Variants in EEF1AKMT1 observed in about 807,000 individuals in gnomAD.
EEF1AKMT1 encodes EEF1A lysine methyltransferase 1, also known as N-6 adenine-specific DNA methyltransferase 2 (putative).
In EEF1AKMT1, 18 loss-of-function variants were observed where a neutral mutation model predicts 21.0. That is an observed-to-expected ratio of 0.86 (90% CI 0.59 to 1.27). The LOEUF is 1.27. Among genes scored for constraint, EEF1AKMT1 ranks in the 50% most tolerant of loss-of-function variants. EEF1AKMT1 has a pLI of 0.00. For synonymous variants in EEF1AKMT1, 109 were observed against 94.8 expected (o/e 1.15, Z -0.87); for missense variants, 246 against 258.6 (o/e 0.95, Z 0.33).
At chr13:20,729,818 CT>C (rs1186462895) in intron 4 of EEF1AKMT1, among the ~76,000 whole-genome samples, 2 of 152,222 alleles carry the variant, frequency 1.3e-5, no homozygotes, top group Non-Finnish European at 2.9e-5. Flanking sequence ...TTTGACGCCC[CT>C]GCCCTGCCCT....
At chr13:20,770,836 C>A (rs918145781) in intron 1 of EEF1AKMT1, among the ~76,000 whole-genome samples, 20 of 151,538 alleles carry the variant, frequency 1.3e-4, no homozygotes, top group African/African-American at 4.8e-4. Flanking sequence ...CATATGCAGA[C>A]ACATACATAC....
intron 1 of EEF1AKMT1, among the ~76,000 whole-genome samples, chr13:20,766,025 C>T (rs749648195): frequency 1.3e-5 from 2 of 151,710 alleles, no homozygotes; most frequent in South Asian, 2.1e-4. Flanking sequence ...AGAGGCTGGG[C>T]GTGGTGGCTC....
At chr13:20,749,906 G>A (rs938503829) in intron 2 of EEF1AKMT1, among the ~76,000 whole-genome samples, 2 of 152,132 alleles carry the variant, frequency 1.3e-5, no homozygotes, top group Admixed American at 1.3e-4. Flanking sequence ...TCTGTATCCA[G>A]AATTTTCATA....
intron 1 of EEF1AKMT1, among the ~76,000 whole-genome samples, chr13:20,773,232 C>G (rs1224273212): frequency 1.3e-5 from 2 of 152,188 alleles, no homozygotes; most frequent in South Asian, 4.2e-4. Context: ...TGCAGTGCGA[C>G]GTTGTGATGT....
chr13:20,742,422 T>G (rs915505989), intron 2 of EEF1AKMT1, among the ~76,000 whole-genome samples: 1 of 152,186 alleles, frequency 6.6e-6, no homozygotes, highest in African/African-American at 2.4e-5. Flanking sequence ...AGATGTTCCC[T>G]ACTTAACAGA....
At chr13:20,737,272 G>A (rs979298345) in intron 3 of EEF1AKMT1, among the ~76,000 whole-genome samples, 3 of 152,104 alleles carry the variant, frequency 2.0e-5, no homozygotes, top group East Asian at 1.9e-4. Context: ...GCTGAGGCAA[G>A]AGAATTGCTT....
In EEF1AKMT1 at chr13:20,767,134, G is replaced by A. The variant is rs561555864; in HGVS notation, c.-20+6787C>T. Among the ~76,000 whole-genome samples, 218 of 151,482 alleles carry A rather than the reference G, an allele frequency of 1.4e-3. 2 individuals carry two copies. The highest frequency in any genetic ancestry group is 4.7e-4 in the Non-Finnish European group (32 of 67,836). On this transcript the variant is annotated intron_variant, in intron 1 of 4. Transcript: ENST00000382758. ...ATCCTGGCTAACACGGTGAAACCCC[G>A]TCTCCACTAAAAATACAAAAAATTA...
intron 3 of EEF1AKMT1, among the ~76,000 whole-genome samples, chr13:20,735,373 TG>T (rs1414352164): frequency 6.6e-6 from 1 of 151,962 alleles, no homozygotes; most frequent in Non-Finnish European, 1.5e-5. Context: ...GTTGTCTGGA[TG>T]GGGGGGATGC....
chr13:20,739,177 TG>T (rs34160154), intron 2 of EEF1AKMT1, among the ~76,000 whole-genome samples: 6,332 of 152,242 alleles, frequency 0.042, 309 homozygotes, highest in African/African-American at 0.11. Context: ...AGTTGTTCTT[TG>T]CTCCCAGTGG....
intron 2 of EEF1AKMT1, among the ~76,000 whole-genome samples, chr13:20,740,868 C>T (rs2058866578): frequency 6.6e-6 from 1 of 151,622 alleles, no homozygotes; most frequent in South Asian, 2.1e-4. Context: ...AATTATATCT[C>T]AACAAAACTG....
chr13:20,731,926 A>G lies in EEF1AKMT1; in HGVS notation c.423T>C (p.Asp141=), dbSNP rs765795109. The change falls in exon 4 of 5, where the codon GAT becomes GAC. Residue 141 remains aspartate, a synonymous_variant. Transcript: ENST00000382758. Reference sequence around the variant, plus strand: ...GACATTCCTCCGAAAGATAGGGAGGATCTGCTATTACGATGTCAAAACTAT... The same window carrying G: ...GACATTCCTCCGAAAGATAGGGAGGGTCTGCTATTACGATGTCAAAACTAT... ...AAHSFDIVIA[D]PPYLSEECLR... 2.0e-5 allele frequency: 32 copies of G among 1,614,098 alleles called. No individual in the cohort carries two copies. The highest frequency in any genetic ancestry group is 5.1e-6 in the Non-Finnish European group (6 of 1,180,052).
intron 2 of EEF1AKMT1, among the ~76,000 whole-genome samples, chr13:20,750,055 A>T (rs1170128970): frequency 1.3e-5 from 2 of 152,156 alleles, no homozygotes; most frequent in East Asian, 3.9e-4. Context: ...TCCTGGATTT[A>T]TCTGCTAGTT....
At chr13:20,764,254 T>C (rs937180630) in intron 1 of EEF1AKMT1, among the ~76,000 whole-genome samples, 1 of 152,220 alleles carries the variant, frequency 6.6e-6, no homozygotes, top group Non-Finnish European at 1.5e-5. Context: ...TTTGTCCTTT[T>C]TCACCCATTT....
At position 20,731,850 on chromosome 13, in the gene EEF1AKMT1, G is replaced by T; in HGVS notation, c.499C>A (p.Leu167Met). The T allele has an allele frequency of 6.2e-7, 1 of 1,613,402 alleles. No homozygotes were observed. Among genetic ancestry groups the T allele is most frequent in the Non-Finnish European group, 8.5e-7 (1 of 1,179,446 alleles). ...VKYLTRGKIL[L>M]CTGAIMEEQA... Reference sequence around the variant, plus strand: ...GAAATGCAGCACCTACCTGTGCACAGCAGAATCTTGCCCCGCGTCAGGTAC... The same window carrying T: ...GAAATGCAGCACCTACCTGTGCACATCAGAATCTTGCCCCGCGTCAGGTAC... Residue 167 changes from leucine to methionine, a missense_variant, in exon 4 of 5, where the codon CTG (leucine) becomes ATG (methionine). Leu to Met is a conservative substitution (Grantham distance 15, BLOSUM62 2). Coordinates refer to ENST00000382758, the MANE Select transcript of EEF1AKMT1 (RefSeq NM_001318939.2).
chr13:20,763,030 T>C (rs1216306252), intron 1 of EEF1AKMT1, among the ~76,000 whole-genome samples: 1 of 152,232 alleles, frequency 6.6e-6, no homozygotes, highest in Non-Finnish European at 1.5e-5. Context: ...TTCTTATGTA[T>C]TGCTAAATCA....
At chr13:20,748,716 T>G (rs2772173) in intron 2 of EEF1AKMT1, among the ~76,000 whole-genome samples, 20,189 of 109,600 alleles carry the variant, frequency 0.18, 2,797 homozygotes, top group East Asian at 0.68. Flanking sequence ...TGTATAGTTG[T>G]TTTTTTTTGG....
At chr13:20,731,126 A>G (rs1280819865) in intron 4 of EEF1AKMT1, among the ~76,000 whole-genome samples, 1 of 152,200 alleles carries the variant, frequency 6.6e-6, no homozygotes, top group Non-Finnish European at 1.5e-5. Flanking sequence ...CTGCAGACAC[A>G]CCACCTCCAT....
chr13:20,750,770 T>C (rs1201532185), intron 2 of EEF1AKMT1, among the ~76,000 whole-genome samples: 1 of 152,330 alleles, frequency 6.6e-6, no homozygotes, highest in Middle Eastern at 3.4e-3. Context: ...CATACTGTTT[T>C]CCACAGTAGC....
intron 2 of EEF1AKMT1, among the ~76,000 whole-genome samples, chr13:20,743,443 AT>A (rs914824072): frequency 8.8e-5 from 13 of 147,832 alleles, no homozygotes; most frequent in Admixed American, 3.4e-4. Flanking sequence ...TAAAGATTGA[AT>A]TTTTTTTTCC....
Sources: allele counts gnomAD v4.1 joint callset (sites outside exome capture counted in the v4.1 genomes callset), GRCh38; gene constraint gnomAD v4.1.1; transcripts MANE v1.5; gene names NCBI Gene and HGNC (gene_info 2026-07-23, HGNC 2026-07-21).